Variants in GREB1L observed in about 807,000 individuals in gnomAD.
GREB1L encodes the protein GREB1 like retinoic acid receptor coactivator, also known as GREB1-like protein.
Under a neutral mutation model 200.8 loss-of-function variants are expected in GREB1L, and 17 were observed. The observed-to-expected ratio is 0.08, with a 90% CI of 0.06 to 0.13. The LOEUF (loss-of-function observed/expected upper bound fraction) is 0.13, where lower values mean the gene tolerates loss of function less well. GREB1L is among the 10% of genes least tolerant of loss of function. The pLI is 1.00. For synonymous variants in GREB1L, 789 were observed against 893.0 expected (o/e 0.88, Z 2.08); for missense variants, 1,657 against 2,367.7 (o/e 0.70, Z 6.23).
intron 2 of GREB1L, among the ~76,000 whole-genome samples, chr18:21,381,038 C>G (rs1430791586): frequency 6.6e-6 from 1 of 152,110 alleles, no homozygotes; most frequent in Non-Finnish European, 1.5e-5. Context: ...GTCAGGTGAT[C>G]GAGACCATCC....
chr18:21,323,836 G>C (rs2038985334), intron 1 of GREB1L, among the ~76,000 whole-genome samples: 1 of 152,176 alleles, frequency 6.6e-6, no homozygotes, highest in Non-Finnish European at 1.5e-5. Flanking sequence ...CACATTGTTG[G>C]TGGGATTATA....
chr18:21,411,773 C>T (rs1307198582), intron 7 of GREB1L, among the ~76,000 whole-genome samples: 4 of 151,786 alleles, frequency 2.6e-5, no homozygotes, highest in African/African-American at 7.3e-5. Context: ...GGGCCGGGCG[C>T]GGTGGCTCAC....
intron 15 of GREB1L, among the ~76,000 whole-genome samples, chr18:21,459,844 C>G (rs1228537503): frequency 6.6e-6 from 1 of 152,114 alleles, no homozygotes; most frequent in Non-Finnish European, 1.5e-5. Context: ...AGAGGAAACA[C>G]GAGAGATTGC....
chr18:21,514,854 G>C (rs1349257686), intron 28 of GREB1L, among the ~76,000 whole-genome samples: 2 of 152,116 alleles, frequency 1.3e-5, no homozygotes, highest in African/African-American at 2.4e-5. Context: ...CTGGGGTAGT[G>C]CCCCCTCACA....
intron 1 of GREB1L, among the ~76,000 whole-genome samples, chr18:21,270,842 T>G (rs1200296840): frequency 6.6e-6 from 1 of 152,238 alleles, no homozygotes; most frequent in East Asian, 1.9e-4. Context: ...TTGTATTTAT[T>G]GAGCATTGTG....
At chr18:21,287,244 A>G (rs899588095) in intron 1 of GREB1L, among the ~76,000 whole-genome samples, 1 of 152,110 alleles carries the variant, frequency 6.6e-6, no homozygotes, top group African/African-American at 2.4e-5. Context: ...CCACACCAAG[A>G]CTTACACCAA....
At chr18:21,351,576 A>G (rs1277066589) in intron 1 of GREB1L, among the ~76,000 whole-genome samples, 1 of 152,008 alleles carries the variant, frequency 6.6e-6, no homozygotes, top group East Asian at 1.9e-4. Flanking sequence ...TTGTCTTAAA[A>G]AAAAAAAAAA....
At chr18:21,399,364 A>G (rs1302050721) in intron 5 of GREB1L, among the ~76,000 whole-genome samples, 1 of 152,126 alleles carries the variant, frequency 6.6e-6, no homozygotes, top group African/African-American at 2.4e-5. Flanking sequence ...GTTCAGTGCT[A>G]AAAAACCTGG....
In GREB1L at chr18:21,491,699, C is replaced by T. The variant is rs1445909617; in HGVS notation, c.3030+1348C>T. Reference sequence around the variant, plus strand: ...CTGCACTCCAGCCTGGGCGACAGAGCGAGACTCTGTCTCAAAAAAAAAAAA... The same window carrying T: ...CTGCACTCCAGCCTGGGCGACAGAGTGAGACTCTGTCTCAAAAAAAAAAAA... On this transcript the variant is annotated intron_variant, in intron 19 of 32. Coordinates refer to ENST00000424526, the MANE Select transcript of GREB1L (RefSeq NM_001142966.3). 9.1e-5 allele frequency among the ~76,000 whole-genome samples: 13 copies of T among 143,598 alleles called. No homozygotes were observed. The East Asian group carries it at 2.3e-3, about 25-fold the overall frequency. The allele number at this position is 143,598 out of a possible 152,430, so 94.2% of individuals were successfully genotyped here.
intron 2 of GREB1L, among the ~76,000 whole-genome samples, chr18:21,378,036 C>G (rs1430211258): frequency 6.6e-6 from 1 of 152,144 alleles, no homozygotes; most frequent in Non-Finnish European, 1.5e-5. Context: ...CAGAAGTTGC[C>G]TTTCTTTTTG....
intron 1 of GREB1L, among the ~76,000 whole-genome samples, chr18:21,258,849 A>G (rs1293991688): frequency 1.3e-5 from 2 of 152,212 alleles, no homozygotes; most frequent in Non-Finnish European, 2.9e-5. Flanking sequence ...TAAATTTGCC[A>G]ACAAATATCC....
At chr18:21,276,347 A>G (rs1208783071) in intron 1 of GREB1L, among the ~76,000 whole-genome samples, 1 of 152,138 alleles carries the variant, frequency 6.6e-6, no homozygotes, top group Non-Finnish European at 1.5e-5. Context: ...CAGGTTGTTG[A>G]GTTTTATTGA....
chr18:21,395,105 C>CAA (rs372663303), intron 4 of GREB1L, among the ~76,000 whole-genome samples: 11 of 64,026 alleles, frequency 1.7e-4, no homozygotes, highest in East Asian at 4.1e-4. Context: ...GACTCCATCT[C>CAA]AAAAAAAAAA....
Position 21,274,252 on chromosome 18 carries a change from G to T in GREB1L, c.-120+31859G>T, listed in dbSNP as rs73422033. Among the ~76,000 whole-genome samples, 1,144 of 152,102 alleles carry T rather than the reference G, an allele frequency of 7.5e-3. 19 individuals are homozygous for T. Among genetic ancestry groups the T allele is most frequent in the African/African-American group, 0.027 (1,102 of 41,470 alleles). On this transcript the variant is annotated intron_variant, in intron 1 of 32. Transcript: ENST00000424526. ...AAGGTCACTAATTTCATTCATGAGG[G>T]ATATAACCTTATGACCTGATTACCT...
At chr18:21,450,952 G>A in intron 12 of GREB1L, 71 bp from the exon 13 acceptor site, 1 of 1,448,296 alleles carries the variant, frequency 6.9e-7, no homozygotes, top group South Asian at 1.3e-5. Flanking sequence ...TCCAATTGTT[G>A]CCATTATAAG....
chr18:21,447,299 T>A (rs139187866), intron 11 of GREB1L, among the ~76,000 whole-genome samples: 1,526 of 151,318 alleles, frequency 0.01, 20 homozygotes, highest in African/African-American at 0.027. Context: ...TAAAAAAATT[T>A]AAAAAAAAAA....
intron 7 of GREB1L, among the ~76,000 whole-genome samples, chr18:21,432,696 C>CTTTTTTTTTTTT (rs1403274438): frequency 9.1e-6 from 1 of 109,330 alleles, no homozygotes; most frequent in Non-Finnish European, 1.8e-5. Context: ...TTAACATTTT[C>CTTTTTTTTTTTT]TTTTTTTTCT....
intron 1 of GREB1L, among the ~76,000 whole-genome samples, chr18:21,323,544 T>G (rs1460733161): frequency 6.6e-6 from 1 of 152,130 alleles, no homozygotes; most frequent in Non-Finnish European, 1.5e-5. Context: ...GAATACAAAT[T>G]AAAACTGCAG....
chr18:21,524,779 A>T lies in GREB1L; in HGVS notation c.*1958A>T, dbSNP rs1403894016. 1.3e-5 allele frequency: 2 copies of T among 152,036 alleles called. No individual in the cohort carries two copies. Among genetic ancestry groups the T allele is most frequent in the African/African-American group, 4.8e-5 (2 of 41,404 alleles). 9.4% of individuals were successfully genotyped at this position (152,036 alleles called of 1,614,324 possible). A position where few individuals can be genotyped will look rare whatever the true frequency, so the allele number is the denominator to read the frequency against. ...GTTAGGGCTGCACTCTGAAAATTCA[A>T]ATTATTATTATGAGCTCTTAAATAC... On this transcript the variant is annotated 3_prime_UTR_variant, in exon 33 of 33. Transcript: ENST00000424526.
Sources: gnomAD v4.1 joint callset for allele counts (sites outside exome capture counted in the v4.1 genomes callset) on GRCh38, gnomAD v4.1.1 for gene constraint, MANE v1.5 for transcripts, NCBI Gene and HGNC (gene_info 2026-07-23, HGNC 2026-07-21) for gene names.